METTL16: variants seen among roughly 807,000 people sequenced by gnomAD.
METTL16 encodes RNA N(6)-adenosine-methyltransferase METTL16.
A neutral mutation model predicts 57.9 loss-of-function variants in METTL16; 19 were observed. The ratio of observed to expected loss-of-function variants is 0.33; its 90% CI spans 0.23 to 0.48. The LOEUF is 0.48. Among genes scored for constraint, METTL16 ranks in the 20% least tolerant of loss-of-function variants. The pLI is 0.99. For synonymous variants in METTL16, 246 were observed against 255.6 expected (o/e 0.96, Z 0.36); for missense variants, 434 against 691.5 (o/e 0.63, Z 4.18).
intron 6 of METTL16, among the ~76,000 whole-genome samples, chr17:2,451,125 C>G (rs1478414008): frequency 1.3e-5 from 2 of 152,110 alleles, no homozygotes; most frequent in African/African-American, 2.4e-5. Context: ...TGGGCATCAA[C>G]AAATATTTTG....
intron 6 of METTL16, among the ~76,000 whole-genome samples, chr17:2,448,809 A>AAT (rs1567890042): frequency 0.011 from 1,568 of 138,768 alleles, 47 homozygotes; most frequent in African/African-American, 0.042. Context: ...ATTTAAAAAA[A>AAT]AAAAAAAAAA....
At chr17:2,438,085 A>C (rs1194009836) in intron 8 of METTL16, 24 bp downstream of exon 8, 1 of 1,553,166 alleles carries the variant, frequency 6.4e-7, no homozygotes, top group East Asian at 2.2e-5. Context: ...GCAGGTGGTG[A>C]AGCGGAGCAA....
intron 8 of METTL16, among the ~76,000 whole-genome samples, chr17:2,432,517 C>G (rs1377817976): frequency 6.6e-6 from 1 of 151,996 alleles, no homozygotes; most frequent in Non-Finnish European, 1.5e-5. Context: ...TGCAGTGAGC[C>G]GTGAGCGCGC....
chr17:2,497,058 T>C (rs1339508658), intron 2 of METTL16, among the ~76,000 whole-genome samples: 3 of 151,664 alleles, frequency 2.0e-5, no homozygotes, highest in Non-Finnish European at 1.5e-5. Flanking sequence ...CAGGTTGCAC[T>C]GCAGTGGCAC....
At chr17:2,448,801 TTAAAAAAAAAAAA>T (rs2067043429) in intron 6 of METTL16, among the ~76,000 whole-genome samples, 2 of 47,420 alleles carry the variant, frequency 4.2e-5, no homozygotes, top group African/African-American at 1.9e-4. Context: ...AAAATAAAAT[TTAAAAAAAAAAAA>T]AAAAAAAAAA....
rs758541217 is a variant in METTL16 at position 2,420,229 on chromosome 17, A to T, written c.1430T>A (p.Leu477Ter). The change falls in exon 10 of 10, where the codon TTG becomes TAG. Residue 477 changes from leucine (L) to a stop codon, truncating the protein, a stop_gained. Coordinates refer to ENST00000263092, the MANE Select transcript of METTL16 (RefSeq NM_024086.4). LOFTEE classifies it high-confidence loss of function. This position sits in a 1 kb window ranked among gnomAD's most constrained non-coding sequence, Gnocchi z 5.4. ...RSEEKGGVEVLESCQGSSNGA... is the reference protein window; with the variant it reads ...RSEEKGGVEV The stretch of plus-strand genomic sequence containing the variant: ...GTTGCTAGAGCCTTGACAACTTTCC[A>T]AAACCTCCACCCCTCCCTTTTCCTC... 1 of 1,614,100 alleles carries T rather than the reference A, an allele frequency of 6.2e-7. No individual in the cohort carries two copies.
intron 8 of METTL16, among the ~76,000 whole-genome samples, chr17:2,423,930 A>G (rs924288151): frequency 1.3e-5 from 2 of 152,180 alleles, no homozygotes; most frequent in African/African-American, 2.4e-5. Flanking sequence ...GTCAGAAATC[A>G]CAAAATCGAC....
rs981184793 is a variant in METTL16, at chr17:2,460,842, G to A, written c.728+3366C>T. The stretch of plus-strand genomic sequence containing the variant: ...AGAGGTTGCAGTGAGCCAAGATCAC[G>A]CCATTGCACTCCAGCCTAGGCAGTA... On this transcript the variant is annotated intron_variant, in intron 6 of 9. Transcript: ENST00000263092. Among the ~76,000 whole-genome samples the A allele has an allele frequency of 5.5e-5, 8 of 144,534 alleles. No homozygotes were observed. The East Asian group carries it at 6.2e-4, about 11-fold the overall frequency. 94.8% of individuals were successfully genotyped at this position (144,534 alleles called of 152,430 possible).
At chr17:2,498,791 G>C (rs2067465460) in intron 2 of METTL16, among the ~76,000 whole-genome samples, 2 of 151,510 alleles carry the variant, frequency 1.3e-5, no homozygotes, top group African/African-American at 4.9e-5. Flanking sequence ...CAAGGCACAA[G>C]AATCCTCCAT....
intron 2 of METTL16, among the ~76,000 whole-genome samples, chr17:2,478,608 C>G (rs1441959292): frequency 6.6e-6 from 1 of 152,156 alleles, no homozygotes; most frequent in Non-Finnish European, 1.5e-5. Flanking sequence ...CTCCTATCAC[C>G]CCAAAAAGCA....
At position 2,483,407 on chromosome 17, in the gene METTL16, C is replaced by A. The variant is rs570621735; in HGVS notation, c.129-5522G>T. Among the ~76,000 whole-genome samples the A allele has an allele frequency of 1.2e-3, 185 of 152,254 alleles. 1 individual carries two copies. The highest frequency in any genetic ancestry group is 4.3e-3 in the African/African-American group (178 of 41,558). On this transcript the variant is annotated intron_variant, in intron 2 of 9. Transcript: ENST00000263092. ...TTCTGTGGGTGTTGGTTTTAAAGAA[C>A]AGCTTCTATAGGACAGTGGAAGCAG...
At chr17:2,455,467 C>T (rs114954784) in intron 6 of METTL16, among the ~76,000 whole-genome samples, 4 of 152,232 alleles carry the variant, frequency 2.6e-5, no homozygotes, top group African/African-American at 7.2e-5. Context: ...CACCAGCTAA[C>T]GCAGAACCAA....
intron 8 of METTL16, among the ~76,000 whole-genome samples, chr17:2,434,285 G>C (rs1419471741): frequency 6.6e-6 from 1 of 152,106 alleles, no homozygotes; most frequent in South Asian, 2.1e-4. Flanking sequence ...TGTAACCTCC[G>C]CCCACTGTAA....
chr17:2,462,728 G>A (rs1597455841), intron 6 of METTL16, among the ~76,000 whole-genome samples: 1 of 152,050 alleles, frequency 6.6e-6, no homozygotes, highest in East Asian at 1.9e-4. Flanking sequence ...TTCCCCAGCC[G>A]TGCTTCCGGT....
At chr17:2,447,451 G>A (rs1460302943) in intron 6 of METTL16, among the ~76,000 whole-genome samples, 3 of 141,412 alleles carry the variant, frequency 2.1e-5, no homozygotes, top group African/African-American at 5.9e-5. Flanking sequence ...AGGGAGGTGG[G>A]GGGGGTCAGC....
intron 6 of METTL16, among the ~76,000 whole-genome samples, chr17:2,454,565 T>TATTA (rs199815244): frequency 1.9e-5 from 2 of 104,900 alleles, no homozygotes; most frequent in African/African-American, 3.0e-5. Flanking sequence ...TTATTATTAT[T>TATTA]TTTTTTTTTT....
At chr17:2,421,949 C>T (rs991937941) in intron 8 of METTL16, among the ~76,000 whole-genome samples, 1 of 152,146 alleles carries the variant, frequency 6.6e-6, no homozygotes, top group African/African-American at 2.4e-5. Context: ...TGGCATCTTC[C>T]ATTCTATCTC....
intron 2 of METTL16, among the ~76,000 whole-genome samples, chr17:2,492,194 G>C (rs978446787): frequency 2.0e-5 from 3 of 152,154 alleles, no homozygotes; most frequent in African/African-American, 4.8e-5. Context: ...CTGGGCGACA[G>C]AGCAAGACTC....
chr17:2,451,479 G>A (rs535887152), intron 6 of METTL16, among the ~76,000 whole-genome samples: 1 of 151,942 alleles, frequency 6.6e-6, no homozygotes, highest in African/African-American at 2.4e-5. Context: ...AAATTTAGCT[G>A]GTGTGGTGGT....
Sources: allele counts gnomAD v4.1 joint callset (sites outside exome capture counted in the v4.1 genomes callset), GRCh38; gene constraint gnomAD v4.1.1; non-coding constraint Gnocchi (gnomAD v3.1); transcripts MANE v1.5; gene names NCBI Gene and HGNC (gene_info 2026-07-23, HGNC 2026-07-21).